GPC6: variants seen among roughly 807,000 people sequenced by gnomAD.
The protein encoded by GPC6 is glypican 6.
A neutral mutation model predicts 55.2 loss-of-function variants in GPC6; 14 were observed. That is an observed-to-expected ratio of 0.25 (90% CI 0.17 to 0.40). GPC6 has a LOEUF of 0.40. Among genes scored for constraint, GPC6 ranks in the 10% least tolerant of loss-of-function variants. GPC6 has a pLI of 1.00. For synonymous variants in GPC6, 278 were observed against 259.6 expected, an observed-to-expected ratio of 1.07 and a Z score of -0.68; for missense variants, 641 against 708.5, an observed-to-expected ratio of 0.90 and a Z score of 1.08.
rs373029092 is a variant in GPC6, at chr13:93,840,200, A to G, written c.711+9655A>G. Among the ~76,000 whole-genome samples the G allele has an allele frequency of 1.3e-3, 205 of 152,256 alleles. 1 individual carries two copies. Among genetic ancestry groups the G allele is most frequent in the African/African-American group, 4.8e-3 (200 of 41,546 alleles). ...AAATAAAATTGATAGAGTATTAGCA[A>G]GATTGACCAAGCAAAGAAGAAAGAA... On this transcript the variant is annotated intron_variant, in intron 3 of 8. Transcript: ENST00000377047.
intron 1 of GPC6, among the ~76,000 whole-genome samples, chr13:93,245,533 AGTT>A (rs1876569544): frequency 6.6e-6 from 1 of 152,204 alleles, no homozygotes; most frequent in African/African-American, 2.4e-5. Context: ...ATTCAGTAGT[AGTT>A]CTGGCCTGGA....
intron 3 of GPC6, among the ~76,000 whole-genome samples, chr13:93,858,073 T>G (rs1180619921): frequency 6.6e-6 from 1 of 151,528 alleles, no homozygotes; most frequent in Non-Finnish European, 1.5e-5. Flanking sequence ...TTAAAACAAT[T>G]TATTTTAAAT....
At chr13:94,195,684 G>C (rs1889549988) in intron 4 of GPC6, among the ~76,000 whole-genome samples, 2 of 152,206 alleles carry the variant, frequency 1.3e-5, no homozygotes, top group African/African-American at 4.8e-5. Flanking sequence ...GGAAGATGTA[G>C]TAAGAGCTAT....
intron 2 of GPC6, among the ~76,000 whole-genome samples, chr13:93,769,787 T>G (rs1173094858): frequency 1.3e-5 from 2 of 152,338 alleles, no homozygotes; most frequent in African/African-American, 4.8e-5. Flanking sequence ...GGAAGGATGA[T>G]TCATGCTTTA....
At chr13:93,825,104 T>G (rs955673186) in intron 2 of GPC6, among the ~76,000 whole-genome samples, 6 of 152,122 alleles carry the variant, frequency 3.9e-5, no homozygotes, top group African/African-American at 1.2e-4. Context: ...TTAGTAGACC[T>G]TGGAATCTAT....
At chr13:94,335,267 G>A (rs1369239089) in intron 6 of GPC6, among the ~76,000 whole-genome samples, 1 of 152,140 alleles carries the variant, frequency 6.6e-6, no homozygotes, top group Non-Finnish European at 1.5e-5. Flanking sequence ...GCAGGAAAAA[G>A]CCTTTCAAAT....
At chr13:93,575,059 C>T (rs1180294408) in intron 2 of GPC6, among the ~76,000 whole-genome samples, 4 of 151,888 alleles carry the variant, frequency 2.6e-5, no homozygotes, top group Admixed American at 6.6e-5. Flanking sequence ...TTTGGGAGGC[C>T]GAGGCGGGTG....
chr13:93,412,680 C>T (rs1219187680), intron 1 of GPC6, among the ~76,000 whole-genome samples: 1 of 152,040 alleles, frequency 6.6e-6, no homozygotes, highest in Admixed American at 6.6e-5. Flanking sequence ...CAAATAAATC[C>T]AGGCCATTAA....
chr13:93,326,266 C>A (rs1315455362), intron 1 of GPC6, among the ~76,000 whole-genome samples: 1 of 152,034 alleles, frequency 6.6e-6, no homozygotes, highest in South Asian at 2.1e-4. Flanking sequence ...GTGCATTGGA[C>A]TATCTGGGCA....
intron 3 of GPC6, among the ~76,000 whole-genome samples, chr13:93,882,029 AT>A (rs943554467): frequency 4.7e-5 from 7 of 150,130 alleles, no homozygotes; most frequent in East Asian, 2.0e-4. Flanking sequence ...TTTCCCAAGT[AT>A]TTTTTTTCCT....
chr13:93,317,991 C>T (rs1313384650), intron 1 of GPC6, among the ~76,000 whole-genome samples: 4 of 152,114 alleles, frequency 2.6e-5, no homozygotes, highest in South Asian at 2.1e-4. Flanking sequence ...CCTCTTGTCC[C>T]GTCAAACATA....
chr13:93,918,806 G>A (rs940680110), intron 3 of GPC6, among the ~76,000 whole-genome samples: 3 of 152,112 alleles, frequency 2.0e-5, no homozygotes, highest in Non-Finnish European at 2.9e-5. Context: ...ATCTTCATTG[G>A]GAGAGGTACC....
chr13:93,837,731 G>A (rs973804431), intron 3 of GPC6, among the ~76,000 whole-genome samples: 2 of 152,104 alleles, frequency 1.3e-5, no homozygotes, highest in Non-Finnish European at 2.9e-5. Flanking sequence ...AATGCTTTGG[G>A]AACTGAGAGG....
chr13:93,486,232 C>T (rs1879708129), intron 1 of GPC6, among the ~76,000 whole-genome samples: 1 of 152,046 alleles, frequency 6.6e-6, no homozygotes, highest in Non-Finnish European at 1.5e-5. Context: ...GAACTGAACT[C>T]AGGAGAGGAT....
intron 4 of GPC6, among the ~76,000 whole-genome samples, chr13:94,238,999 G>C (rs1264831306): frequency 6.6e-6 from 1 of 152,098 alleles, no homozygotes; most frequent in African/African-American, 2.4e-5. Context: ...CCTATGTTTG[G>C]CTAAAATAAA....
intron 3 of GPC6, among the ~76,000 whole-genome samples, chr13:93,999,304 G>A (rs994700829): frequency 6.6e-6 from 1 of 152,082 alleles, no homozygotes; most frequent in Admixed American, 6.6e-5. Context: ...TCTTATGATA[G>A]TTTGCTGAGA....
chr13:93,379,818 A>T (rs775500533), intron 1 of GPC6, among the ~76,000 whole-genome samples: 2 of 152,114 alleles, frequency 1.3e-5, no homozygotes, highest in Non-Finnish European at 2.9e-5. Context: ...TTTCTCATAA[A>T]CTGTAAAAAA....
At chr13:93,912,738 G>A (rs567731553) in intron 3 of GPC6, among the ~76,000 whole-genome samples, 31 of 152,090 alleles carry the variant, frequency 2.0e-4, no homozygotes, top group African/African-American at 6.0e-4. Flanking sequence ...TAGAGACTCC[G>A]TCTCAAAAAA....
intron 1 of GPC6, among the ~76,000 whole-genome samples, chr13:93,386,483 G>C (rs181506284): frequency 4.0e-5 from 6 of 150,154 alleles, no homozygotes; most frequent in Admixed American, 2.0e-4. Flanking sequence ...GCATAACAAG[G>C]GTCAATAGTA....
Sources: gnomAD v4.1 joint callset for allele counts (sites outside exome capture counted in the v4.1 genomes callset) on GRCh38, gnomAD v4.1.1 for gene constraint, MANE v1.5 for transcripts, NCBI Gene and HGNC (gene_info 2026-07-23, HGNC 2026-07-21) for gene names.